PRDM6: variants seen among roughly 807,000 people sequenced by gnomAD.
The protein encoded by PRDM6 is putative histone-lysine N-methyltransferase PRDM6.
Under a neutral mutation model 60.8 loss-of-function variants are expected in PRDM6, and 25 were observed. The ratio of observed to expected loss-of-function variants is 0.41; its 90% CI spans 0.30 to 0.57. The LOEUF (loss-of-function observed/expected upper bound fraction) is 0.57. Among genes scored for constraint, PRDM6 ranks in the 20% least tolerant of loss-of-function variants. The pLI is 0.27. For synonymous variants in PRDM6, 407 were observed against 357.4 expected, an observed-to-expected ratio of 1.14 and a Z score of -1.57; for missense variants, 839 against 821.3, an observed-to-expected ratio of 1.02 and a Z score of -0.26.
chr5:123,154,124 T>A (rs1459898743), intron 3 of PRDM6, among the ~76,000 whole-genome samples: 1 of 152,170 alleles, frequency 6.6e-6, no homozygotes, highest in African/African-American at 2.4e-5. Context: ...AAATTTTGAA[T>A]CTTAACTAGT....
chr5:123,089,943 T>C, intron 1 of PRDM6, 57 bp from the exon 2 acceptor site: 1 of 1,340,218 alleles, frequency 7.5e-7, no homozygotes, highest in East Asian at 2.8e-5. Context: ...AGTGGCCCTC[T>C]TCCCGGCCCC....
intron 5 of PRDM6, among the ~76,000 whole-genome samples, chr5:123,167,357 C>A (rs891931527): frequency 2.1e-4 from 32 of 151,778 alleles, no homozygotes; most frequent in Admixed American, 1.0e-3. Context: ...GGTTATGTGA[C>A]CTTAACAATT....
intron 3 of PRDM6, among the ~76,000 whole-genome samples, chr5:123,117,076 T>G (rs1442264465): frequency 6.6e-6 from 1 of 152,178 alleles, no homozygotes; most frequent in Non-Finnish European, 1.5e-5. Context: ...GCCTCCTGCT[T>G]TTATGCACAT....
At chr5:123,115,879 A>G (rs1167632912) in intron 3 of PRDM6, among the ~76,000 whole-genome samples, 2 of 151,968 alleles carry the variant, frequency 1.3e-5, no homozygotes, top group Non-Finnish European at 2.9e-5. Flanking sequence ...TTTTGAAAAT[A>G]TTACTAATCA....
intron 3 of PRDM6, among the ~76,000 whole-genome samples, chr5:123,122,006 A>G (rs1245923637): frequency 2.0e-5 from 3 of 151,650 alleles, no homozygotes; most frequent in South Asian, 4.2e-4. Flanking sequence ...TACTAAAAAT[A>G]GGAAACATTA....
intron 3 of PRDM6, among the ~76,000 whole-genome samples, chr5:123,153,795 G>A (rs973879666): frequency 1.3e-5 from 2 of 152,126 alleles, no homozygotes; most frequent in African/African-American, 2.4e-5. Flanking sequence ...ATGAGCCAAC[G>A]GTTAAGACAG....
At chr5:123,178,882 T>C (rs1310869273) in intron 6 of PRDM6, among the ~76,000 whole-genome samples, 4 of 152,206 alleles carry the variant, frequency 2.6e-5, no homozygotes, top group Non-Finnish European at 4.4e-5. Context: ...TTTCTGGTCA[T>C]TGGAGCTTGT....
intron 2 of PRDM6, among the ~76,000 whole-genome samples, chr5:123,094,432 T>TTCTCTCTCTC (rs3037346): frequency 0.075 from 11,143 of 147,952 alleles, 504 homozygotes; most frequent in Non-Finnish European, 0.1. Context: ...GCTTTTGTGT[T>TTCTCTCTCTC]TCTCTCTCTC....
chr5:123,151,355 G>T (rs1183369036), intron 3 of PRDM6, among the ~76,000 whole-genome samples: 4 of 152,144 alleles, frequency 2.6e-5, no homozygotes, highest in Non-Finnish European at 4.4e-5. Context: ...CCCGTTCGGG[G>T]AGGAGCAGAT....
intron 3 of PRDM6, among the ~76,000 whole-genome samples, chr5:123,137,796 GA>G (rs1164284795): frequency 1.1e-4 from 17 of 150,760 alleles, no homozygotes; most frequent in African/African-American, 4.1e-4. Context: ...AATAAAAATA[GA>G]AAAAAATAAT....
intron 6 of PRDM6, among the ~76,000 whole-genome samples, chr5:123,175,988 A>G (rs968198355): frequency 1.3e-5 from 2 of 152,104 alleles, no homozygotes; most frequent in African/African-American, 4.8e-5. Context: ...ATATATACCA[A>G]CTAAATCTAC....
intron 3 of PRDM6, among the ~76,000 whole-genome samples, chr5:123,129,817 G>A (rs1355957717): frequency 1.3e-5 from 2 of 152,136 alleles, no homozygotes; most frequent in African/African-American, 4.8e-5. Context: ...AATATCTGGA[G>A]TATTAAGATG....
chr5:123,190,396 T>C lies in PRDM6; in HGVS notation c.*3195T>C, dbSNP rs557917879. On this transcript the variant is annotated 3_prime_UTR_variant, in exon 8 of 8. Coordinates refer to ENST00000407847, the MANE Select transcript of PRDM6 (RefSeq NM_001136239.4). Reference sequence around the variant, plus strand: ...GATATGTGCATACATTTTTCATAGATAAGCTTTTCATTTTTGTTTTGTTTT... The same window carrying C: ...GATATGTGCATACATTTTTCATAGACAAGCTTTTCATTTTTGTTTTGTTTT... The C allele has an allele frequency of 6.6e-6, 1 of 152,350 alleles. No individual in the cohort carries two copies. The highest frequency in any genetic ancestry group is 6.5e-5 in the Admixed American group (1 of 15,306). The allele number at this position is 152,350 out of a possible 1,614,324, so 9.4% of individuals were successfully genotyped here. A position where few individuals can be genotyped will look rare whatever the true frequency, so the allele number is the denominator to read the frequency against.
chr5:123,178,325 T>G (rs182317447), intron 6 of PRDM6, among the ~76,000 whole-genome samples: 1 of 152,310 alleles, frequency 6.6e-6, no homozygotes, highest in South Asian at 2.1e-4. Flanking sequence ...AAATCAATTG[T>G]CAGTGAATAT....
chr5:123,092,455 T>C (rs954876947), intron 2 of PRDM6, among the ~76,000 whole-genome samples: 2 of 152,188 alleles, frequency 1.3e-5, no homozygotes, highest in African/African-American at 4.8e-5. Flanking sequence ...CAATGCAGTC[T>C]GGAAAATTAA....
Position 123,187,373 on chromosome 5 carries a change from A to T in PRDM6, c.*172A>T. ...ATATTGATCCTGGCATGGAAGTCAG[A>T]CCAGGAAAGAGATTATTTATTTATG... is the stretch of plus-strand genomic sequence containing the variant. On this transcript the variant is annotated 3_prime_UTR_variant, in exon 8 of 8. Coordinates refer to ENST00000407847, the MANE Select transcript of PRDM6 (RefSeq NM_001136239.4). The T allele has an allele frequency of 2.0e-6, 1 of 500,486 alleles. No individual in the cohort carries two copies. Among genetic ancestry groups the T allele is most frequent in the Non-Finnish European group, 3.7e-6 (1 of 272,786 alleles). 31.0% of individuals were successfully genotyped at this position (500,486 alleles called of 1,614,324 possible). A position where few individuals can be genotyped will look rare whatever the true frequency, so the allele number is the denominator to read the frequency against.
intron 3 of PRDM6, among the ~76,000 whole-genome samples, chr5:123,109,955 A>G (rs1445177620): frequency 6.6e-6 from 1 of 152,240 alleles, no homozygotes; most frequent in East Asian, 1.9e-4. Flanking sequence ...AGATCATCTC[A>G]GTGTCCAGAG....
At chr5:123,123,449 G>A (rs576517533) in intron 3 of PRDM6, among the ~76,000 whole-genome samples, 58 of 152,176 alleles carry the variant, frequency 3.8e-4, no homozygotes, top group African/African-American at 1.2e-3. Context: ...TCATGTAGTC[G>A]GTTACTTTTA....
At chr5:123,111,327 A>T (rs1764306403) in intron 3 of PRDM6, among the ~76,000 whole-genome samples, 1 of 152,120 alleles carries the variant, frequency 6.6e-6, no homozygotes, top group Non-Finnish European at 1.5e-5. Flanking sequence ...AATGATTTGG[A>T]CTCAGTGGTC....
Sources: gnomAD v4.1 joint callset for allele counts (sites outside exome capture counted in the v4.1 genomes callset) on GRCh38, gnomAD v4.1.1 for gene constraint, MANE v1.5 for transcripts, NCBI Gene and HGNC (gene_info 2026-07-23, HGNC 2026-07-21) for gene names.